The following ANKRD54 variants were observed in gnomAD, a reference collection of about 807,000 sequenced individuals.
The protein encoded by ANKRD54 is ankyrin repeat domain-containing protein 54.
In ANKRD54, 26 loss-of-function variants were observed where a neutral mutation model predicts 36.2. The observed-to-expected ratio is 0.72, with a 90% confidence interval of 0.53 to 1.00. ANKRD54 has a LOEUF of 1.00. Ranked by LOEUF, ANKRD54 falls within the 50% of genes least tolerant of loss-of-function variation. The pLI is 0.00. For missense variants in ANKRD54, 384 were observed against 424.3 expected, an observed-to-expected ratio of 0.91 and a Z score of 0.83; for synonymous variants, 209 against 188.4, an observed-to-expected ratio of 1.11 and a Z score of -0.89.
upstream of ANKRD54, chr22:37,849,265 T>C (rs910462532): frequency 1.4e-6 from 1 of 728,302 alleles, no homozygotes; most frequent in East Asian, 2.6e-5. Flanking sequence ...CTGGTGGGGT[T>C]ACAGGTGTGA....
chr22:37,831,824 G>A lies in ANKRD54; in HGVS notation c.*119C>T, dbSNP rs1922914517. The A allele has an allele frequency of 2.8e-6, 3 of 1,070,400 alleles. No individual in the cohort carries two copies. Among genetic ancestry groups the A allele is most frequent in the South Asian group, 3.0e-5 (2 of 66,568 alleles). The allele number at this position is 1,070,400 out of a possible 1,614,324, so 66.3% of individuals were successfully genotyped here. ...TCTGCCCCACGGCATCTGCGGGTGA[G>A]GGCAAGGTCCTCACCAGACAAGTGC... On this transcript the variant is annotated 3_prime_UTR_variant, in exon 8 of 8. Transcript: ENST00000215941.
Position 37,843,936 on chromosome 22 carries a change from G to C in ANKRD54, c.303C>G (p.Leu101=). ...LRRAARPHRR[L]GPTGKEVHAL... is the part of the protein sequence containing the mutation. ...CGTGCACCTCCTTGCCCGTGGGCCC[G>C]AGCCGCCGGTGGGGCCTGGCAGCGC... Residue 101 remains leucine, a synonymous_variant, in exon 1 of 8, where the codon CTC becomes CTG. Coordinates refer to ENST00000215941, the MANE Select transcript of ANKRD54 (RefSeq NM_138797.4). The C allele has an allele frequency of 1.5e-6, 2 of 1,364,584 alleles. No homozygotes were observed. Among genetic ancestry groups the C allele is most frequent in the African/African-American group, 1.5e-5 (1 of 65,568 alleles). 84.5% of individuals were successfully genotyped at this position (1,364,584 alleles called of 1,614,324 possible).
At position 37,844,192 on chromosome 22, in the gene ANKRD54, T is replaced by G. The variant is rs1285316903; in HGVS notation, c.47A>C (p.His16Pro). 6.6e-7 allele frequency: 1 copy of G among 1,517,466 alleles called. No individual in the cohort carries two copies. Among genetic ancestry groups the G allele is most frequent in the South Asian group, 1.2e-5 (1 of 81,656 alleles). 94.0% of individuals were successfully genotyped at this position (1,517,466 alleles called of 1,614,324 possible). A position where few individuals can be genotyped will look rare whatever the true frequency, so the allele number is the denominator to read the frequency against. The change falls in exon 1 of 8, where the codon CAC becomes CCC. Residue 16 changes from histidine to proline, a missense_variant. His to Pro is a moderately conservative substitution (Grantham distance 77). This residue lies in a region of ANKRD54 where 195 missense variants were observed against 177.7 expected (regional missense o/e 1.10). Coordinates refer to ENST00000215941, the MANE Select transcript of ANKRD54 (RefSeq NM_138797.4). The part of the protein sequence containing the change: ...GDADDEPRSG[H>P]SSSEGECAVA... ...CGCGCACTCGCCCTCCGAGCTCGAGTGGCCTGAGCGCGGCTCGTCGTCCGC... is the reference window on the plus strand; with the variant it reads ...CGCGCACTCGCCCTCCGAGCTCGAGGGGCCTGAGCGCGGCTCGTCGTCCGC...
upstream of ANKRD54, chr22:37,844,358 C>A: frequency 8.5e-7 from 1 of 1,171,774 alleles, no homozygotes; most frequent in African/African-American, 1.6e-5. Flanking sequence ...GGCCCGCAAC[C>A]ACGGCAACCG....
intron 1 of ANKRD54, among the ~76,000 whole-genome samples, chr22:37,843,402 A>G (rs1433637962): frequency 6.6e-6 from 1 of 152,164 alleles, no homozygotes. Context: ...CAGCCTGGGC[A>G]ACAGAGCGAG....
intron 3 of ANKRD54, among the ~76,000 whole-genome samples, chr22:37,835,938 C>T (rs1923464198): frequency 6.6e-6 from 1 of 152,052 alleles, no homozygotes; most frequent in African/African-American, 2.4e-5. Flanking sequence ...CTCCCGGCTT[C>T]ACACCATTCT....
chr22:37,846,822 A>T (rs1924863431), upstream of ANKRD54, among the ~76,000 whole-genome samples: 1 of 151,950 alleles, frequency 6.6e-6, no homozygotes, highest in African/African-American at 2.4e-5. Flanking sequence ...AATTCCTGTC[A>T]TATATGGACT....
chr22:37,840,244 G>C lies in ANKRD54; in HGVS notation c.329-10C>G, dbSNP rs748322662. The C allele has an allele frequency of 4.3e-6, 7 of 1,613,834 alleles. No individual in the cohort carries two copies. The South Asian group carries it at 7.7e-5, about 18-fold the overall frequency. ...CTCAGTCTCTTCAGAGCTGTAAAGA[G>C]AGTAACGGATGCCAGTTTAAAAAAA... is the stretch of plus-strand genomic sequence containing the variant. On this transcript the variant is annotated splice_polypyrimidine_tract_variant and intron_variant, in intron 1 of 7. Coordinates refer to ENST00000215941, the MANE Select transcript of ANKRD54 (RefSeq NM_138797.4).
In ANKRD54 at chr22:37,843,950, G is replaced by T; in HGVS notation, c.289C>A (p.Pro97Thr). The T allele has an allele frequency of 7.2e-7, 1 of 1,391,554 alleles. No individual in the cohort carries two copies. The highest frequency in any genetic ancestry group is 9.3e-7 in the Non-Finnish European group (1 of 1,075,696). 86.2% of individuals were successfully genotyped at this position (1,391,554 alleles called of 1,614,324 possible). A position where few individuals can be genotyped will look rare whatever the true frequency, so the allele number is the denominator to read the frequency against. ...CCCGTGGGCCCGAGCCGCCGGTGGG[G>T]CCTGGCAGCGCGCCTCAGCCGGCCA... ...PAGRLRRAAR[P>T]HRRLGPTGKE... Residue 97 changes from proline to threonine, a missense_variant, in exon 1 of 8, where the codon CCC becomes ACC. This residue lies in a region of ANKRD54 where 195 missense variants were observed against 177.7 expected (regional missense o/e 1.10). Coordinates refer to ENST00000215941, the MANE Select transcript of ANKRD54 (RefSeq NM_138797.4).
chr22:37,847,766 G>A (rs748675471), upstream of ANKRD54: 1 of 432,934 alleles, frequency 2.3e-6, no homozygotes, highest in South Asian at 1.8e-5. Flanking sequence ...ACCAAATCGA[G>A]GGTCGGTAAA....
At chr22:37,832,263 C>T (rs1173784422) in intron 7 of ANKRD54, among the ~76,000 whole-genome samples, 1 of 152,194 alleles carries the variant, frequency 6.6e-6, no homozygotes, top group African/African-American at 2.4e-5. Context: ...TGAACGGAGG[C>T]TTTGAAGCCT....
Position 37,833,059 on chromosome 22 carries a change from G to C in ANKRD54, c.619C>G (p.Arg207Gly). ...RGGARVDALD[R>G]AGRTPLHLAK... ...AGGTGCAGGGGTGTGCGACCAGCTC[G>C]GTCCAGGGCATCTACACGGGCCCCT... Residue 207 changes from arginine (R) to glycine (G), a missense_variant, in exon 6 of 8, where the codon CGA (arginine) becomes GGA (glycine). Physicochemically the swap from Arg to Gly is moderately radical, Grantham distance 125. Around this residue, in one of 3 missense-constraint regions of ANKRD54, gnomAD observed 179 missense variants for 224.0 expected, o/e 0.80. Coordinates refer to ENST00000215941, the MANE Select transcript of ANKRD54 (RefSeq NM_138797.4). The C allele has an allele frequency of 1.9e-6, 3 of 1,614,042 alleles. No individual in the cohort carries two copies. The highest frequency in any genetic ancestry group is 2.5e-6 in the Non-Finnish European group (3 of 1,180,002).
At chr22:37,835,339 G>C (rs1164510525) in intron 3 of ANKRD54, among the ~76,000 whole-genome samples, 1 of 152,036 alleles carries the variant, frequency 6.6e-6, no homozygotes, top group Non-Finnish European at 1.5e-5. Context: ...TCCAGCCTAG[G>C]CAACAGAGTG....
intron 2 of ANKRD54, among the ~76,000 whole-genome samples, 176 bp downstream of exon 2, chr22:37,840,010 AG>A (rs1392539894): frequency 6.6e-6 from 1 of 152,250 alleles, no homozygotes; most frequent in African/African-American, 2.4e-5. Context: ...GGGGAGAGTG[AG>A]TGTCTAAGCC....
chr22:37,833,522 TGG>T, intron 4 of ANKRD54, among the ~76,000 whole-genome samples, 160 bp downstream of exon 4: 1 of 152,302 alleles, frequency 6.6e-6, no homozygotes, highest in Non-Finnish European at 1.5e-5. Flanking sequence ...GGAAGGCCCA[TGG>T]GACACAGGCT....
rs117191799 is a variant in ANKRD54, at chr22:37,838,573, C to A, written c.402G>T (p.Ala134=). 4.9e-4 allele frequency: 784 copies of A among 1,611,314 alleles called. 5 individuals are homozygous for A. The East Asian group carries it at 0.015, about 31-fold the overall frequency. ...CCTTGTCATCAGCTGCACAGGGATC[C>A]GCGCCATCTTCCAGCAGCTGCTGCA... is the stretch of plus-strand genomic sequence containing the variant. The part of the protein sequence containing the change: ...ETVQQLLEDG[A]DPCAADDKGR... The change falls in exon 3 of 8, where the codon GCG becomes GCT. Residue 134 remains alanine, a synonymous_variant. Transcript: ENST00000215941.
Position 37,834,198 on chromosome 22 carries a change from C to A in ANKRD54, c.476-443G>T, listed in dbSNP as rs1430620484. On this transcript the variant is annotated intron_variant, in intron 3 of 7. Transcript: ENST00000215941. ...GTGCTGTATTATCACCAGGGTCTGC[C>A]AATACCCAGAAGGATGCATAGGCAG... 6 of 162,676 alleles carry A rather than the reference C, an allele frequency of 3.7e-5. No individual in the cohort carries two copies. In the East Asian group the frequency reaches 1.0e-3, roughly 27 times the overall value. The allele number at this position is 162,676 out of a possible 1,614,324, so 10.1% of individuals were successfully genotyped here. A position where few individuals can be genotyped will look rare whatever the true frequency, so the allele number is the denominator to read the frequency against.
chr22:37,847,007 C>A (rs990504019), upstream of ANKRD54, among the ~76,000 whole-genome samples: 1 of 151,398 alleles, frequency 6.6e-6, no homozygotes, highest in Non-Finnish European at 1.5e-5. Flanking sequence ...GCGCCCGCCA[C>A]TACGCCCGGC....
intron 1 of ANKRD54, chr22:37,843,656 G>C (rs374952409): frequency 3.8e-6 from 1 of 266,616 alleles, no homozygotes. Flanking sequence ...CGAGTCATGG[G>C]AAGTTTCCAT....
Sources: gnomAD v4.1 joint callset for allele counts (sites outside exome capture counted in the v4.1 genomes callset) on GRCh38, gnomAD v4.1.1 for gene constraint, gnomAD v4.1.1 regional missense constraint, MANE v1.5 for transcripts, NCBI Gene and HGNC (gene_info 2026-07-23, HGNC 2026-07-21) for gene names.